The following NLRP5 variants were observed in gnomAD, a reference collection of about 807,000 sequenced individuals.
NLRP5 encodes NACHT, LRR and PYD domains-containing protein 5.
In NLRP5, 93 loss-of-function variants were observed where a neutral mutation model predicts 113.1. That is an observed-to-expected ratio of 0.82 (90% CI 0.70 to 0.98). The LOEUF (loss-of-function observed/expected upper bound fraction) is 0.98, where lower values mean the gene tolerates loss of function less well. Ranked by LOEUF, NLRP5 falls within the 50% of genes least tolerant of loss-of-function variation. NLRP5 has a pLI of 0.00. For missense variants in NLRP5, 1,808 were observed against 1,514.3 expected (o/e 1.19, Z -3.22); for synonymous variants, 751 against 600.7 (o/e 1.25, Z -3.66).
chr19:56,050,631 G>T (rs773631479), intron 12 of NLRP5, 43 bp downstream of exon 12: 9 of 1,573,362 alleles, frequency 5.7e-6, no homozygotes, highest in South Asian at 4.6e-5. Flanking sequence ...TCATACTGGG[G>T]TCTGGAGTTC....
intron 12 of NLRP5, among the ~76,000 whole-genome samples, chr19:56,052,356 C>T (rs1381265996): frequency 6.6e-6 from 1 of 152,124 alleles, no homozygotes; most frequent in African/African-American, 2.4e-5. Flanking sequence ...GCAACCTCCA[C>T]CTCCTGGGTT....
chr19:56,061,450 G>T lies in NLRP5; in HGVS notation c.3525G>T (p.Gln1175His), dbSNP rs541215726. The stretch of plus-strand genomic sequence containing the variant: ...TAAGGAAGCTGCTGGAGGAAGTGCA[G>T]CTACTCAAGCCCCGAGTCGTAATTG... The change falls in exon 15 of 15, where the codon CAG becomes CAT. Residue 1175 changes from glutamine (Q) to histidine (H), a missense_variant. Physicochemically the swap from Gln to His is conservative, Grantham distance 24. Transcript: ENST00000390649. 6.2e-7 allele frequency: 1 copy of T among 1,613,952 alleles called. No homozygotes were observed. Among genetic ancestry groups the T allele is most frequent in the African/African-American group, 1.3e-5 (1 of 75,060 alleles).
chr19:56,006,409 G>A (rs1377369483), intron 2 of NLRP5, among the ~76,000 whole-genome samples: 3 of 147,250 alleles, frequency 2.0e-5, no homozygotes, highest in East Asian at 2.0e-4. Flanking sequence ...ATGTACCCTA[G>A]AACTTAAAGT....
At chr19:56,059,702 T>A (rs1984284384) in intron 14 of NLRP5, among the ~76,000 whole-genome samples, 1 of 151,942 alleles carries the variant, frequency 6.6e-6, no homozygotes, top group African/African-American at 2.4e-5. Flanking sequence ...GCCCAGCTAA[T>A]TTTTACATTT....
chr19:56,025,767 G>A (rs1284826370), intron 6 of NLRP5, among the ~76,000 whole-genome samples: 1 of 152,044 alleles, frequency 6.6e-6, no homozygotes, highest in African/African-American at 2.4e-5. Context: ...CCAAGGGATG[G>A]AACAGGAGGG....
chr19:56,044,299 C>T (rs999927947), intron 11 of NLRP5, among the ~76,000 whole-genome samples: 3 of 152,058 alleles, frequency 2.0e-5, no homozygotes, highest in Non-Finnish European at 4.4e-5. Context: ...CCTGATATGC[C>T]CACCTCAGCC....
chr19:56,047,343 T>C (rs1399773017), intron 11 of NLRP5, among the ~76,000 whole-genome samples: 1 of 152,222 alleles, frequency 6.6e-6, no homozygotes, highest in East Asian at 1.9e-4. Flanking sequence ...TATCAGTTGA[T>C]GCTCTTTCAG....
chr19:56,005,415 TTTTATATATACACATA>T (rs962319435), intron 2 of NLRP5, among the ~76,000 whole-genome samples: 7 of 148,292 alleles, frequency 4.7e-5, no homozygotes, highest in East Asian at 3.9e-4. Flanking sequence ...ACACATATAT[TTTTATATATACACATA>T]TTTATATATA....
At chr19:56,019,449 T>G in intron 5 of NLRP5, 51 bp downstream of exon 5, 1 of 1,553,926 alleles carries the variant, frequency 6.4e-7, no homozygotes, top group Non-Finnish European at 8.9e-7. Context: ...GAAAGTTGGG[T>G]GAAAGAAGTG....
chr19:56,003,867 C>T lies in NLRP5; in HGVS notation c.214C>T (p.Leu72=), dbSNP rs765134419. The T allele has an allele frequency of 2.5e-6, 4 of 1,613,818 alleles. No homozygotes were observed. The highest frequency in any genetic ancestry group is 2.2e-5 in the South Asian group (2 of 91,082). ...CGGGCTGCAATGGTGTCTCTATGAG[C>T]TAGACAAGGAAGAATTTCAGACATT... The change falls in exon 2 of 15, where the codon CTA becomes TTA. Residue 72 remains leucine (L), a synonymous_variant. Coordinates refer to ENST00000390649, the MANE Select transcript of NLRP5 (RefSeq NM_153447.4).
In NLRP5 at chr19:56,028,321, CAA is replaced by C. The variant is rs771412598; in HGVS notation, c.2090_2091del (p.Lys697ArgfsTer18). On this transcript the variant is annotated frameshift_variant, in exon 7 of 15. Transcript: ENST00000390649. LOFTEE classifies it high-confidence loss of function. ...TCCACTGTCTTTTCGAGACTCAAGA[CAA>C]AGAGTTTGTTCGCTTGGCATTAAAC... 2.3e-4 allele frequency: 376 copies of C among 1,613,898 alleles called. No homozygotes were observed. The highest frequency in any genetic ancestry group is 2.7e-4 in the Non-Finnish European group (318 of 1,179,896).
intron 9 of NLRP5, among the ~76,000 whole-genome samples, chr19:56,035,423 G>A (rs1447438401): frequency 2.6e-5 from 4 of 152,252 alleles, no homozygotes; most frequent in African/African-American, 9.6e-5. Context: ...CTGACATCGT[G>A]TGGGGTTTAT....
At chr19:55,999,903 G>A (rs771676757) in intron 1 of NLRP5, 4 of 777,468 alleles carry the variant, frequency 5.1e-6, no homozygotes, top group Non-Finnish European at 9.1e-6. Flanking sequence ...TTAGCAATCC[G>A]TTGCAGCAGA....
chr19:56,051,684 A>G (rs192214118), intron 12 of NLRP5, among the ~76,000 whole-genome samples: 7 of 152,368 alleles, frequency 4.6e-5, no homozygotes, highest in Admixed American at 3.3e-4. Context: ...ACAGTAAGGT[A>G]TTCCATTGAA....
chr19:56,032,541 G>A lies in NLRP5; in HGVS notation c.2277-70G>A, dbSNP rs1042183066. 2.4e-5 allele frequency: 35 copies of A among 1,434,986 alleles called. 1 individual carries two copies. The highest frequency in any genetic ancestry group is 2.4e-4 in the African/African-American group (17 of 71,592). The allele number at this position is 1,434,986 out of a possible 1,614,324, so 88.9% of individuals were successfully genotyped here. On this transcript the variant is annotated intron_variant, in intron 7 of 14. Coordinates refer to ENST00000390649, the MANE Select transcript of NLRP5 (RefSeq NM_153447.4). ...CTCGAGAGCTCGGTCCCTCTCCTCC[G>A]ACGTGTTGCCACGACTGCTCATGTT...
At chr19:56,036,777 T>G (rs1283379466) in intron 9 of NLRP5, among the ~76,000 whole-genome samples, 4 of 152,018 alleles carry the variant, frequency 2.6e-5, no homozygotes, top group African/African-American at 9.7e-5. Context: ...GCCAACATGG[T>G]GAAACCCCGT....
intron 11 of NLRP5, among the ~76,000 whole-genome samples, chr19:56,042,041 G>A (rs544211831): frequency 1.5e-3 from 236 of 152,300 alleles, no homozygotes; most frequent in African/African-American, 5.5e-3. Flanking sequence ...ATTGTTGACA[G>A]TGGAGAGCTG....
At chr19:56,036,764 C>T (rs1983333614) in intron 9 of NLRP5, among the ~76,000 whole-genome samples, 1 of 152,110 alleles carries the variant, frequency 6.6e-6, no homozygotes, top group South Asian at 2.1e-4. Context: ...CAAGACCAGC[C>T]TGGCCAACAT....
chr19:56,030,888 A>AT (rs1324803489), intron 7 of NLRP5, among the ~76,000 whole-genome samples: 2 of 151,228 alleles, frequency 1.3e-5, no homozygotes, highest in Non-Finnish European at 2.9e-5. Context: ...TAACTTTTGT[A>AT]TTTTTAGTAG....
Sources: allele counts gnomAD v4.1 joint callset (sites outside exome capture counted in the v4.1 genomes callset), GRCh38; gene constraint gnomAD v4.1.1; transcripts MANE v1.5; gene names NCBI Gene and HGNC (gene_info 2026-07-23, HGNC 2026-07-21).